Variants in TIMD4 observed in about 807,000 individuals in gnomAD.
TIMD4 encodes T-cell immunoglobulin and mucin domain-containing protein 4.
TIMD4 carries 31 observed loss-of-function variants against 41.2 expected under a neutral mutation model. The ratio of observed to expected loss-of-function variants is 0.75; its 90% CI spans 0.57 to 1.01. The LOEUF (loss-of-function observed/expected upper bound fraction) is 1.01, where lower values mean the gene tolerates loss of function less well. Ranked by LOEUF, TIMD4 falls within the 50% of genes least tolerant of loss-of-function variation. The probability of loss-of-function intolerance (pLI) is 0.00; values close to 1 mark genes in which losing one functional copy is unlikely to be tolerated. For missense variants in TIMD4, 479 were observed against 472.5 expected, an observed-to-expected ratio of 1.01 and a Z score of -0.13; for synonymous variants, 204 against 177.1, an observed-to-expected ratio of 1.15 and a Z score of -1.21.
intron 5 of TIMD4, among the ~76,000 whole-genome samples, chr5:156,943,895 CA>C (rs70984420): frequency 0.018 from 2,256 of 127,484 alleles, 35 homozygotes; most frequent in East Asian, 0.073. Flanking sequence ...ACTAAAAATA[CA>C]AAAAAAAAAA....
intron 5 of TIMD4, among the ~76,000 whole-genome samples, chr5:156,944,827 G>T (rs1336376428): frequency 6.6e-6 from 1 of 151,902 alleles, no homozygotes; most frequent in Admixed American, 6.6e-5. Context: ...GGGATTACAG[G>T]CTTGAGCCAC....
At chr5:156,944,748 G>T (rs1055412419) in intron 5 of TIMD4, among the ~76,000 whole-genome samples, 3 of 151,858 alleles carry the variant, frequency 2.0e-5, no homozygotes, top group Admixed American at 6.6e-5. Flanking sequence ...TTCGTGATCC[G>T]CCCACCTCGG....
At chr5:156,946,648 T>TG (rs1759749109) in intron 5 of TIMD4, among the ~76,000 whole-genome samples, 1 of 151,412 alleles carries the variant, frequency 6.6e-6, no homozygotes, top group Admixed American at 6.6e-5. Context: ...ACCTAATTTT[T>TG]TTGTATTTTT....
intron 5 of TIMD4, among the ~76,000 whole-genome samples, chr5:156,946,513 G>A (rs145476560): frequency 6.6e-6 from 1 of 151,938 alleles, no homozygotes; most frequent in African/African-American, 2.4e-5. Context: ...AGTCTCACTC[G>A]TCGCCCAGGC....
intron 4 of TIMD4, among the ~76,000 whole-genome samples, chr5:156,948,967 A>G (rs1759798566): frequency 6.6e-6 from 1 of 152,128 alleles, no homozygotes; most frequent in Non-Finnish European, 1.5e-5. Context: ...TGTGCCAGGC[A>G]CTCTTCTAAG....
intron 5 of TIMD4, among the ~76,000 whole-genome samples, chr5:156,939,819 C>T (rs1388713862): frequency 6.6e-6 from 1 of 152,254 alleles, no homozygotes; most frequent in Non-Finnish European, 1.5e-5. Flanking sequence ...AATCTAGACA[C>T]TCATGCTTCA....
chr5:156,955,707 G>A (rs1759958753), intron 1 of TIMD4, among the ~76,000 whole-genome samples: 3 of 151,884 alleles, frequency 2.0e-5, no homozygotes, highest in Non-Finnish European at 4.4e-5. Flanking sequence ...TGCTATGAGA[G>A]AAAGATAGGC....
chr5:156,958,519 T>C (rs1760022779), intron 1 of TIMD4, among the ~76,000 whole-genome samples: 2 of 152,042 alleles, frequency 1.3e-5, no homozygotes, highest in African/African-American at 4.8e-5. Context: ...ATGGCCAAGG[T>C]GTGAGTAAAC....
intron 1 of TIMD4, among the ~76,000 whole-genome samples, chr5:156,955,987 T>C (rs1759963273): frequency 1.3e-5 from 2 of 152,198 alleles, no homozygotes; most frequent in South Asian, 2.1e-4. Flanking sequence ...GGCAAGAACA[T>C]TAAAAATCTA....
intron 1 of TIMD4, among the ~76,000 whole-genome samples, chr5:156,958,972 A>G (rs781201531): frequency 4.6e-5 from 7 of 151,536 alleles, no homozygotes; most frequent in Non-Finnish European, 1.0e-4. Flanking sequence ...AAATAAATAA[A>G]TAAAACAATT....
intron 5 of TIMD4, chr5:156,935,671 G>C (rs1759525804): frequency 6.6e-6 from 1 of 152,178 alleles, no homozygotes; most frequent in Non-Finnish European, 1.5e-5. Flanking sequence ...AGGGATTCTA[G>C]AACACCATTG....
chr5:156,938,621 C>T (rs910300677), intron 5 of TIMD4, among the ~76,000 whole-genome samples: 3 of 152,208 alleles, frequency 2.0e-5, no homozygotes, highest in African/African-American at 7.2e-5. Context: ...CCTACCTCTG[C>T]CATGTTTGAC....
chr5:156,946,999 A>C (rs555446403), intron 5 of TIMD4, among the ~76,000 whole-genome samples: 56 of 152,072 alleles, frequency 3.7e-4, no homozygotes, highest in African/African-American at 1.2e-3. Flanking sequence ...GGAGTTCAAG[A>C]CCAACCAGGG....
At chr5:156,924,711 T>C (rs959984527) in intron 6 of TIMD4, 3 of 169,756 alleles carry the variant, frequency 1.8e-5, no homozygotes, top group Non-Finnish European at 3.8e-5. Flanking sequence ...TGAAAATAAA[T>C]AGAAAATTTC....
At chr5:156,922,647 G>A (rs1581606230) in intron 6 of TIMD4, among the ~76,000 whole-genome samples, 1 of 152,322 alleles carries the variant, frequency 6.6e-6, no homozygotes, top group South Asian at 2.1e-4. Context: ...GGGGGCCCAT[G>A]AGATCAAAAT....
chr5:156,954,346 C>T lies in TIMD4; in HGVS notation c.400+69G>A, dbSNP rs1350133784. 2.1e-6 allele frequency: 3 copies of T among 1,433,820 alleles called. No homozygotes were observed. The African/African-American group carries it at 4.2e-5, about 20-fold the overall frequency. The allele number at this position is 1,433,820 out of a possible 1,614,324, so 88.8% of individuals were successfully genotyped here. On this transcript the variant is annotated intron_variant, in intron 2 of 8. Coordinates refer to ENST00000274532, the MANE Select transcript of TIMD4 (RefSeq NM_138379.3). ...CAACTCTAACCTCTTCACCACCATC[C>T]ACTGATCCCATTGTCCATTAACCAC...
At chr5:156,934,917 T>C (rs990462781) in intron 5 of TIMD4, among the ~76,000 whole-genome samples, 13 of 152,214 alleles carry the variant, frequency 8.5e-5, no homozygotes, top group Non-Finnish European at 1.5e-4. Context: ...CTGGGACTCA[T>C]CTGTCCTATG....
chr5:156,928,307 A>G (rs1192254250), intron 5 of TIMD4, among the ~76,000 whole-genome samples: 3 of 151,958 alleles, frequency 2.0e-5, no homozygotes, highest in Admixed American at 2.0e-4. Context: ...AAAAAAAAAG[A>G]CAGAAAGAAA....
chr5:156,921,616 C>CAAAAAAAAAAAAAAA (rs66842169), intron 7 of TIMD4, among the ~76,000 whole-genome samples: 3 of 47,266 alleles, frequency 6.3e-5, no homozygotes, highest in Non-Finnish European at 1.2e-4. Context: ...GAGACTCTCT[C>CAAAAAAAAAAAAAAA]AAAAAAAAAA....
Sources: allele counts gnomAD v4.1 joint callset (sites outside exome capture counted in the v4.1 genomes callset), GRCh38; gene constraint gnomAD v4.1.1; transcripts MANE v1.5; gene names NCBI Gene and HGNC (gene_info 2026-07-23, HGNC 2026-07-21).